EPHA5: variants seen among roughly 807,000 people sequenced by gnomAD.
The protein encoded by EPHA5 is EPH receptor A5.
EPHA5 carries 60 observed loss-of-function variants against 105.0 expected under a neutral mutation model. The ratio of observed to expected loss-of-function variants is 0.57; its 90% confidence interval spans 0.46 to 0.71. EPHA5 has a LOEUF of 0.71. Among genes scored for constraint, EPHA5 ranks in the 30% least tolerant of loss-of-function variants. The pLI, the probability that EPHA5 is intolerant of heterozygous loss-of-function variation, is 0.00. For synonymous variants in EPHA5, 513 were observed against 449.1 expected (o/e 1.14, Z -1.80); for missense variants, 1,218 against 1,274.7 (o/e 0.96, Z 0.68).
intron 3 of EPHA5, among the ~76,000 whole-genome samples, chr4:65,547,825 A>G (rs1162422956): frequency 1.3e-5 from 2 of 152,038 alleles, no homozygotes; most frequent in African/African-American, 4.8e-5. Context: ...TATTTGCATT[A>G]GAAAGTGACC....
chr4:65,331,696 C>T (rs1720633088), intron 16 of EPHA5: 3 of 1,152,508 alleles, frequency 2.6e-6, no homozygotes, highest in Non-Finnish European at 3.2e-6. Flanking sequence ...ACATCTTTTC[C>T]ACAACACAAA....
chr4:65,379,808 T>G (rs1719378625), intron 8 of EPHA5, among the ~76,000 whole-genome samples: 1 of 151,698 alleles, frequency 6.6e-6, no homozygotes, highest in Non-Finnish European at 1.5e-5. Context: ...CCAATGTAAT[T>G]TAAAAAATCA....
intron 5 of EPHA5, among the ~76,000 whole-genome samples, chr4:65,456,721 T>TACAC (rs71604535): frequency 4.1e-4 from 51 of 124,044 alleles, no homozygotes; most frequent in South Asian, 1.7e-3. Context: ...AAAATAAACA[T>TACAC]ATACACACAC....
intron 3 of EPHA5, among the ~76,000 whole-genome samples, chr4:65,562,677 A>G (rs535728688): frequency 2.0e-5 from 3 of 152,080 alleles, no homozygotes; most frequent in Non-Finnish European, 4.4e-5. Context: ...GACTTTTTCT[A>G]TTACGTTACA....
At chr4:65,617,123 C>G (rs938640265) in intron 2 of EPHA5, among the ~76,000 whole-genome samples, 4 of 152,020 alleles carry the variant, frequency 2.6e-5, no homozygotes, top group Non-Finnish European at 5.9e-5. Flanking sequence ...TAAGTTATGA[C>G]AGTGGCTGAC....
intron 2 of EPHA5, among the ~76,000 whole-genome samples, chr4:65,626,065 C>A (rs1456669074): frequency 1.4e-5 from 2 of 145,722 alleles, no homozygotes; most frequent in Non-Finnish European, 3.0e-5. Flanking sequence ...CGCGCCACTG[C>A]ACTCCAGCCT....
intron 4 of EPHA5, among the ~76,000 whole-genome samples, chr4:65,493,488 A>G (rs1413825046): frequency 2.0e-5 from 3 of 152,232 alleles, no homozygotes; most frequent in Non-Finnish European, 4.4e-5. Flanking sequence ...CTATCAGGCG[A>G]TAAGGAAATC....
intron 16 of EPHA5, chr4:65,331,201 TA>T (rs1720581711): frequency 9.7e-7 from 1 of 1,029,722 alleles, no homozygotes. Context: ...ACATTAATGT[TA>T]ATGTAATCTA....
chr4:65,639,387 C>T (rs1322556295), intron 2 of EPHA5, among the ~76,000 whole-genome samples: 2 of 152,176 alleles, frequency 1.3e-5, no homozygotes, highest in Non-Finnish European at 2.9e-5. Flanking sequence ...CAGTCTTTCT[C>T]TTCTTGCATT....
intron 3 of EPHA5, among the ~76,000 whole-genome samples, chr4:65,503,661 C>T (rs886964390): frequency 6.6e-6 from 1 of 151,504 alleles, no homozygotes; most frequent in Non-Finnish European, 1.5e-5. Flanking sequence ...GTTACATATT[C>T]ATTCATCTAC....
intron 2 of EPHA5, among the ~76,000 whole-genome samples, chr4:65,624,585 G>A (rs1377872967): frequency 6.6e-6 from 1 of 151,932 alleles, no homozygotes; most frequent in East Asian, 1.9e-4. Flanking sequence ...CATTCATAAG[G>A]AACATTAAAA....
At chr4:65,576,466 T>C (rs1741066661) in intron 3 of EPHA5, among the ~76,000 whole-genome samples, 1 of 152,214 alleles carries the variant, frequency 6.6e-6, no homozygotes, top group African/African-American at 2.4e-5. Flanking sequence ...GAATGTTATG[T>C]TCTGCAAAAT....
chr4:65,470,362 C>T (rs140727787), intron 5 of EPHA5, among the ~76,000 whole-genome samples: 1 of 151,842 alleles, frequency 6.6e-6, no homozygotes, highest in Non-Finnish European at 1.5e-5. Flanking sequence ...TGGCTAATTT[C>T]TATATTTTTA....
chr4:65,540,063 T>C (rs1415142053), intron 3 of EPHA5, among the ~76,000 whole-genome samples: 1 of 150,754 alleles, frequency 6.6e-6, no homozygotes, highest in Non-Finnish European at 1.5e-5. Flanking sequence ...AGGAAGAAGA[T>C]ACTGACAAAG....
In EPHA5 at chr4:65,555,690, A is replaced by C. The variant is rs116096746; in HGVS notation, c.910+45951T>G. Among the ~76,000 whole-genome samples the C allele has an allele frequency of 2.8e-3, 419 of 150,730 alleles. 42 individuals carry two copies. Among genetic ancestry groups the C allele is most frequent in the African/African-American group, 9.5e-3 (383 of 40,108 alleles). ...ATCAGGCTCTTAAGAGATCACTGGA[A>C]TATTGTGACAAGTGACAGTAATTGA... is the stretch of plus-strand genomic sequence containing the variant. On this transcript the variant is annotated intron_variant, in intron 3 of 16. Transcript: ENST00000613740.
At chr4:65,386,439 A>T (rs1191275301) in intron 8 of EPHA5, among the ~76,000 whole-genome samples, 1 of 151,962 alleles carries the variant, frequency 6.6e-6, no homozygotes, top group Admixed American at 6.6e-5. Context: ...ATGTATAAAC[A>T]ATCTTAAAAA....
At chr4:65,544,989 C>A (rs1737234858) in intron 3 of EPHA5, among the ~76,000 whole-genome samples, 1 of 150,566 alleles carries the variant, frequency 6.6e-6, no homozygotes, top group African/African-American at 2.4e-5. Context: ...AATTTCAAAC[C>A]TGTGTTCCTT....
rs750591600 is a variant in EPHA5, at chr4:65,490,410, A to G, written c.1369T>C (p.Tyr457His). The G allele has an allele frequency of 5.0e-6, 8 of 1,614,126 alleles. No individual in the cohort carries two copies. Among genetic ancestry groups the G allele is most frequent in the Middle Eastern group, 1.7e-4 (1 of 6,060 alleles). Residue 457 changes from tyrosine to histidine, a missense_variant, in exon 5 of 17, where the codon TAT becomes CAT. This residue lies in a region of EPHA5 where 971 missense variants were observed against 1,013.5 expected (regional missense o/e 0.96). Coordinates refer to ENST00000613740, the MANE Select transcript of EPHA5 (RefSeq NM_001281766.3). ...TTTGTGGTTACATTTACAGACACAT[A>G]CTGCCGGGCTCCTGGGCTCAAGTCG... ...VSDLSPGARQ[Y>H]VSVNVTTNQA...
chr4:65,520,264 A>C (rs1022376986), intron 3 of EPHA5, among the ~76,000 whole-genome samples: 11 of 152,300 alleles, frequency 7.2e-5, no homozygotes, highest in African/African-American at 9.6e-5. Context: ...CCTGACAAAA[A>C]CAAGCAATGG....
Sources: allele counts gnomAD v4.1 joint callset (sites outside exome capture counted in the v4.1 genomes callset), GRCh38; gene constraint gnomAD v4.1.1; regional missense constraint gnomAD v4.1.1; transcripts MANE v1.5; gene names NCBI Gene and HGNC (gene_info 2026-07-23, HGNC 2026-07-21).